ELMO1: variants seen among roughly 807,000 people sequenced by gnomAD.
The protein encoded by ELMO1 is engulfment and cell motility 1.
A neutral mutation model predicts 98.9 loss-of-function variants in ELMO1; 26 were observed. That is an observed-to-expected ratio of 0.26 (90% CI 0.19 to 0.36). The LOEUF is 0.36. Among genes scored for constraint, ELMO1 ranks in the 10% least tolerant of loss-of-function variants. The pLI is 1.00. For synonymous variants in ELMO1, 346 were observed against 346.0 expected (o/e 1.00, Z 0.00); for missense variants, 627 against 935.2 (o/e 0.67, Z 4.30).
intron 1 of ELMO1, among the ~76,000 whole-genome samples, chr7:37,348,354 C>A (rs1801108132): frequency 6.6e-6 from 1 of 152,148 alleles, no homozygotes; most frequent in Non-Finnish European, 1.5e-5. Flanking sequence ...ACATTCTAAT[C>A]ATCATGCCTT....
chr7:37,197,888 G>T (rs900712537), intron 13 of ELMO1, among the ~76,000 whole-genome samples: 1 of 152,178 alleles, frequency 6.6e-6, no homozygotes, highest in Non-Finnish European at 1.5e-5. Context: ...AGACTCTGGT[G>T]GTCCTCTGTC....
At chr7:36,953,122 C>A (rs12533622) in intron 16 of ELMO1, among the ~76,000 whole-genome samples, 158 of 151,994 alleles carry the variant, frequency 1.0e-3, no homozygotes, top group African/African-American at 3.3e-3. Flanking sequence ...CCCGCCACCA[C>A]GCCCGGCTAA....
intron 13 of ELMO1, among the ~76,000 whole-genome samples, chr7:37,157,223 A>C (rs1788841216): frequency 6.6e-6 from 1 of 152,246 alleles, no homozygotes; most frequent in African/African-American, 2.4e-5. Flanking sequence ...TGAATGGGGA[A>C]AAACTGGAAG....
chr7:37,015,372 G>C (rs1302533598), intron 15 of ELMO1, among the ~76,000 whole-genome samples: 1 of 152,156 alleles, frequency 6.6e-6, no homozygotes, highest in African/African-American at 2.4e-5. Context: ...GCCGAGGCGG[G>C]TGGATCATCT....
intron 5 of ELMO1, among the ~76,000 whole-genome samples, chr7:37,268,030 T>C (rs1373381051): frequency 1.3e-5 from 2 of 152,254 alleles, no homozygotes; most frequent in Non-Finnish European, 1.5e-5. Context: ...AGACTACAAA[T>C]ATAGTCACCA....
At chr7:37,180,518 A>G (rs1790782996) in intron 13 of ELMO1, among the ~76,000 whole-genome samples, 1 of 152,228 alleles carries the variant, frequency 6.6e-6, no homozygotes, top group South Asian at 2.1e-4. Context: ...GAGCAAAAAG[A>G]AAGACAGCTA....
chr7:37,293,512 TGAAGGCAGCATGCTCCTTAAGA>T (rs1797862936), intron 4 of ELMO1, among the ~76,000 whole-genome samples: 1 of 105,904 alleles, frequency 9.4e-6, no homozygotes, highest in Admixed American at 1.0e-4. Flanking sequence ...AACAGATGCT[TGAAGGCAGCATGCTCCTTAAGA>T]GTCATCACCA....
intron 13 of ELMO1, among the ~76,000 whole-genome samples, chr7:37,160,050 T>C (rs1789096935): frequency 6.6e-6 from 1 of 152,230 alleles, no homozygotes; most frequent in Admixed American, 6.5e-5. Context: ...GGTTTGATAA[T>C]TTCAGGACTT....
At chr7:37,236,058 G>C (rs934088225) in intron 7 of ELMO1, among the ~76,000 whole-genome samples, 3 of 152,200 alleles carry the variant, frequency 2.0e-5, no homozygotes, top group Non-Finnish European at 4.4e-5. Flanking sequence ...AAAAGATAAA[G>C]TATATTTATG....
At chr7:37,244,256 C>T in intron 7 of ELMO1, 100 bp downstream of exon 7, 2 of 1,179,674 alleles carry the variant, frequency 1.7e-6, no homozygotes, top group Non-Finnish European at 2.4e-6. Context: ...ATTCAAAATA[C>T]TAGATGCATA....
chr7:37,185,920 C>T (rs73341917), intron 13 of ELMO1, among the ~76,000 whole-genome samples: 1 of 152,150 alleles, frequency 6.6e-6, no homozygotes, highest in Admixed American at 6.5e-5. Flanking sequence ...TCAATACAAT[C>T]CCTATCAGTA....
intron 16 of ELMO1, among the ~76,000 whole-genome samples, chr7:36,932,156 G>A (rs1562834272): frequency 6.6e-6 from 1 of 152,132 alleles, no homozygotes; most frequent in African/African-American, 2.4e-5. Flanking sequence ...ACTAGACACC[G>A]TTCAATAAGA....
At chr7:36,888,461 CATTCCT>C (rs1239612125) in intron 17 of ELMO1, among the ~76,000 whole-genome samples, 1 of 152,068 alleles carries the variant, frequency 6.6e-6, no homozygotes, top group Non-Finnish European at 1.5e-5. Flanking sequence ...ACCCAGAGCC[CATTCCT>C]CATAGCAGTG....
Position 37,281,983 on chromosome 7 carries a change from G to A in ELMO1, c.193-10101C>T, listed in dbSNP as rs745509755. On this transcript the variant is annotated intron_variant, in intron 4 of 21. Transcript: ENST00000310758. ...AGCCCCTGCCATTCACAGGCATCTCGATAGGATGTCTTTGTGTCTTTACTA... is the reference window on the plus strand; with the variant it reads ...AGCCCCTGCCATTCACAGGCATCTCAATAGGATGTCTTTGTGTCTTTACTA... Among the ~76,000 whole-genome samples, 7 of 152,242 alleles carry A rather than the reference G, an allele frequency of 4.6e-5. No individual in the cohort carries two copies. In the South Asian group the frequency reaches 6.2e-4, roughly 14 times the overall value.
rs138018442 is a variant in ELMO1 at position 36,859,395 on chromosome 7, C to A, written c.1983+2264G>T. Among the ~76,000 whole-genome samples, 361 of 152,274 alleles carry A rather than the reference C, an allele frequency of 2.4e-3. 1 individual carries two copies. The highest frequency in any genetic ancestry group is 8.2e-3 in the African/African-American group (341 of 41,546). On this transcript the variant is annotated intron_variant, in intron 21 of 21. Transcript: ENST00000310758. The stretch of plus-strand genomic sequence containing the variant: ...ATACATAAAATGATATCCAGATTTG[C>A]TTCAAAATAATCAGGGGTGGCAGCT...
At chr7:36,990,818 T>C (rs1199264967) in intron 16 of ELMO1, among the ~76,000 whole-genome samples, 1 of 152,180 alleles carries the variant, frequency 6.6e-6, no homozygotes, top group Admixed American at 6.5e-5. Flanking sequence ...ATAAAAAATA[T>C]GGTGACTATT....
intron 7 of ELMO1, among the ~76,000 whole-genome samples, chr7:37,239,961 A>C (rs2071013824): frequency 6.6e-6 from 1 of 152,010 alleles, no homozygotes. Flanking sequence ...AAAGCCATGC[A>C]TTTCCATGAC....
At chr7:37,387,165 C>T (rs906679283) in intron 1 of ELMO1, among the ~76,000 whole-genome samples, 7 of 152,180 alleles carry the variant, frequency 4.6e-5, no homozygotes, top group African/African-American at 1.4e-4. Context: ...AGGATATGGC[C>T]CTGGCCTATC....
At chr7:36,984,325 C>G (rs1002321775) in intron 16 of ELMO1, among the ~76,000 whole-genome samples, 1 of 152,242 alleles carries the variant, frequency 6.6e-6, no homozygotes, top group African/African-American at 2.4e-5. Flanking sequence ...ATTCAGCTAA[C>G]AAACAGGTCA....
Sources: gnomAD v4.1 joint callset for allele counts (sites outside exome capture counted in the v4.1 genomes callset) on GRCh38, gnomAD v4.1.1 for gene constraint, MANE v1.5 for transcripts, NCBI Gene and HGNC (gene_info 2026-07-23, HGNC 2026-07-21) for gene names.